FMNL3: variants seen among roughly 807,000 people sequenced by gnomAD.
FMNL3 encodes the protein formin-like protein 3.
A neutral mutation model predicts 119.6 loss-of-function variants in FMNL3; 57 were observed. That is an observed-to-expected ratio of 0.48 (90% CI 0.39 to 0.59). The LOEUF is 0.59. FMNL3 is among the 20% of genes least tolerant of loss of function. FMNL3 has a pLI of 0.00. For missense variants in FMNL3, 1,053 were observed against 1,323.5 expected (o/e 0.80, Z 3.17); for synonymous variants, 491 against 507.3 (o/e 0.97, Z 0.43).
chr12:49,686,447 G>A (rs143132737), intron 1 of FMNL3, among the ~76,000 whole-genome samples: 12 of 151,752 alleles, frequency 7.9e-5, no homozygotes, highest in African/African-American at 1.7e-4. Flanking sequence ...GCGTGGTGGC[G>A]GGCGCCTGTA....
intron 1 of FMNL3, among the ~76,000 whole-genome samples, chr12:49,693,765 C>T (rs535743490): frequency 1.4e-5 from 2 of 147,244 alleles, no homozygotes; most frequent in East Asian, 4.2e-4. Flanking sequence ...TCTCCTGCAT[C>T]GGCCTCCTGA....
chr12:49,636,981 C>A lies in FMNL3; in HGVS notation c.*8834G>T. ...CTAGCCCTGTCCAAGCTCTATGAGA[C>A]CTCTCTCTGCCTGCAGTCTGTTTCT... On this transcript the variant is annotated 3_prime_UTR_variant, in exon 26 of 26. Coordinates refer to ENST00000335154, the MANE Select transcript of FMNL3 (RefSeq NM_175736.5). 7.7e-7 allele frequency: 1 copy of A among 1,291,486 alleles called. No homozygotes were observed. The highest frequency in any genetic ancestry group is 1.1e-6 in the Non-Finnish European group (1 of 936,346). The allele number at this position is 1,291,486 out of a possible 1,614,324, so 80.0% of individuals were successfully genotyped here.
At chr12:49,705,846 C>T (rs1222600437) in intron 1 of FMNL3, among the ~76,000 whole-genome samples, 7 of 152,208 alleles carry the variant, frequency 4.6e-5, no homozygotes, top group Non-Finnish European at 8.8e-5. Flanking sequence ...TGCCAGTGGG[C>T]TGATGTCAGA....
At position 49,645,684 on chromosome 12, in the gene FMNL3, G is replaced by T; in HGVS notation, c.*131C>A. ...ATAGTGGCACAAGTAGAAAGATCCA[G>T]CCTCAAGAGCTGGGGCGGACATGGT... On this transcript the variant is annotated 3_prime_UTR_variant, in exon 26 of 26. Coordinates refer to ENST00000335154, the MANE Select transcript of FMNL3 (RefSeq NM_175736.5). 1.4e-6 allele frequency: 1 copy of T among 723,750 alleles called. No individual in the cohort carries two copies. The highest frequency in any genetic ancestry group is 2.2e-6 in the Non-Finnish European group (1 of 455,942). 44.8% of individuals were successfully genotyped at this position (723,750 alleles called of 1,614,324 possible). A position where few individuals can be genotyped will look rare whatever the true frequency, so the allele number is the denominator to read the frequency against.
intron 4 of FMNL3, among the ~76,000 whole-genome samples, chr12:49,664,904 C>T (rs7965178): frequency 2.0e-5 from 3 of 152,204 alleles, no homozygotes; most frequent in South Asian, 4.1e-4. Flanking sequence ...TCTCTAACCC[C>T]CTGTCAGGAA....
In FMNL3 at chr12:49,642,909, T is replaced by C; in HGVS notation, c.*2906A>G. ...GCTAAGTCTGGTGCTGTCCTCACCC[T>C]TCTTCCTCTGCCTCTAGCAGACTGA... On this transcript the variant is annotated 3_prime_UTR_variant, in exon 26 of 26. Coordinates refer to ENST00000335154, the MANE Select transcript of FMNL3 (RefSeq NM_175736.5). The surrounding 1 kb of genome is among the most constrained non-coding windows in gnomAD (Gnocchi z 5.8). 6.2e-7 allele frequency: 1 copy of C among 1,607,426 alleles called. No individual in the cohort carries two copies. The highest frequency in any genetic ancestry group is 8.5e-7 in the Non-Finnish European group (1 of 1,176,406).
chr12:49,656,992 T>C, intron 7 of FMNL3, 90 bp downstream of exon 7: 1 of 1,544,236 alleles, frequency 6.5e-7, no homozygotes, highest in Non-Finnish European at 8.9e-7. Flanking sequence ...AGCAAACCTG[T>C]CTTTTATAAG....
At position 49,638,777 on chromosome 12, in the gene FMNL3, G is replaced by A. The variant is rs1004086370; in HGVS notation, c.*7038C>T. On this transcript the variant is annotated 3_prime_UTR_variant, in exon 26 of 26. Transcript: ENST00000335154. ...CTTGGATAGGTCACTTGACCTTTCTGACCCTGTTTCCTCATCTAAAAAATG... is the reference window on the plus strand; with the variant it reads ...CTTGGATAGGTCACTTGACCTTTCTAACCCTGTTTCCTCATCTAAAAAATG... 1.3e-5 allele frequency: 2 copies of A among 152,130 alleles called. No homozygotes were observed. The highest frequency in any genetic ancestry group is 4.8e-5 in the African/African-American group (2 of 41,412). The allele number at this position is 152,130 out of a possible 1,614,324, so 9.4% of individuals were successfully genotyped here.
intron 1 of FMNL3, among the ~76,000 whole-genome samples, chr12:49,683,252 C>T (rs1164277476): frequency 6.6e-6 from 1 of 152,208 alleles, no homozygotes; most frequent in South Asian, 2.1e-4. Context: ...CTATCCCAGA[C>T]TTCTCCTTTG....
At position 49,646,893 on chromosome 12, in the gene FMNL3, G is replaced by GA. The variant is rs1459115088; in HGVS notation, c.2987dup (p.Ile997HisfsTer75). 15 of 1,613,964 alleles carry GA rather than the reference G, an allele frequency of 9.3e-6. No individual in the cohort carries two copies. The highest frequency in any genetic ancestry group is 1.3e-5 in the Non-Finnish European group (15 of 1,179,932). ...GAGTGAAAAGGGCCCCACCTGTGAT[G>GA]ATGTCCTCGATGGTACCATCCTTCC... On this transcript the variant is annotated frameshift_variant, in exon 25 of 26. Coordinates refer to ENST00000335154, the MANE Select transcript of FMNL3 (RefSeq NM_175736.5). LOFTEE classifies it high-confidence loss of function.
Position 49,648,212 on chromosome 12 carries a change from C to G in FMNL3, c.2657G>C (p.Arg886Pro). ...TNEGKLDKLQ[R>P]DAKTAEEAYN... is the part of the protein sequence containing the mutation. ...GCTTGCCTCAGCCGTCTTGGCGTCC[C>G]GCTGGAGCTTGTCTAGTTTGCCTTC... Residue 886 changes from arginine to proline, a missense_variant, in exon 22 of 26, where the codon CGG (arginine) becomes CCG (proline). By Grantham distance (103) the Arg-to-Pro change is moderately radical. Transcript: ENST00000335154. The G allele has an allele frequency of 6.2e-7, 1 of 1,613,562 alleles. No homozygotes were observed. The highest frequency in any genetic ancestry group is 8.5e-7 in the Non-Finnish European group (1 of 1,179,724).
chr12:49,652,003 G>A lies in FMNL3; in HGVS notation c.1533C>T (p.Pro511=), dbSNP rs773193041. Residue 511 remains proline, a synonymous_variant, in exon 14 of 26, where the codon CCC becomes CCT. Coordinates refer to ENST00000335154, the MANE Select transcript of FMNL3 (RefSeq NM_175736.5). The part of the protein sequence containing the change: ...SDLDLLAPAP[P]PEEVLPLPPP... ...GAGGAAGAGGCAGGACCTCCTCAGG[G>A]GGTGGGGCTGGAGCCAGAAGGTCCA... is the stretch of plus-strand genomic sequence containing the variant. 32 of 1,606,390 alleles carry A rather than the reference G, an allele frequency of 2.0e-5. No homozygotes were observed. The highest frequency in any genetic ancestry group is 1.2e-4 in the Admixed American group (7 of 58,954).
At chr12:49,664,235 T>TATAA (rs1442631332) in intron 4 of FMNL3, among the ~76,000 whole-genome samples, 6 of 151,984 alleles carry the variant, frequency 3.9e-5, no homozygotes, top group African/African-American at 1.2e-4. Flanking sequence ...CATCTCAAAA[T>TATAA]ATAAATAAAT....
In FMNL3 at chr12:49,636,889, C is replaced by T; in HGVS notation, c.*8926G>A. On this transcript the variant is annotated 3_prime_UTR_variant, in exon 26 of 26. Coordinates refer to ENST00000335154, the MANE Select transcript of FMNL3 (RefSeq NM_175736.5). ...CTTTCTAGATCAGAGCTCAGCTCTGCCCTAGAGCACAACCTCTTCACCCAT... is the reference window on the plus strand; with the variant it reads ...CTTTCTAGATCAGAGCTCAGCTCTGTCCTAGAGCACAACCTCTTCACCCAT... The T allele has an allele frequency of 6.2e-7, 1 of 1,611,482 alleles. No individual in the cohort carries two copies. Among genetic ancestry groups the T allele is most frequent in the Non-Finnish European group, 8.5e-7 (1 of 1,179,476 alleles).
intron 16 of FMNL3, 101 bp downstream of exon 16, chr12:49,651,067 C>T: frequency 6.4e-7 from 1 of 1,550,866 alleles, no homozygotes; most frequent in Non-Finnish European, 8.8e-7. Flanking sequence ...CTAAGCCTGG[C>T]CTCACCCTGT....
chr12:49,691,128 G>C (rs1944589633), intron 1 of FMNL3, among the ~76,000 whole-genome samples: 1 of 152,202 alleles, frequency 6.6e-6, no homozygotes, highest in South Asian at 2.1e-4. Context: ...TGTGATCCTA[G>C]GTGAGCTATT....
intron 25 of FMNL3, chr12:49,646,495 G>T: frequency 1.5e-6 from 1 of 646,146 alleles, no homozygotes; most frequent in South Asian, 2.0e-5. Context: ...TCAGAGCATG[G>T]GGCATGCAAG....
In FMNL3 at chr12:49,647,802, C is replaced by T; in HGVS notation, c.2679G>A (p.Glu893=). The T allele has an allele frequency of 6.2e-7, 1 of 1,613,616 alleles. No individual in the cohort carries two copies. Among genetic ancestry groups the T allele is most frequent in the Non-Finnish European group, 8.5e-7 (1 of 1,179,554 alleles). Residue 893 remains glutamate (E), a splice_region_variant and synonymous_variant, in exon 23 of 26, where the codon GAG becomes GAA. Coordinates refer to ENST00000335154, the MANE Select transcript of FMNL3 (RefSeq NM_175736.5). The surrounding 1 kb of genome is among the most constrained non-coding windows in gnomAD (Gnocchi z 4.9). ...AGTAGCGCACAACTGCATTGTAGGC[C>T]TCCTGGGGAAGGGGTGGGCAGAATG... ...KLQRDAKTAE[E]AYNAVVRYFG... is the part of the protein sequence containing the mutation.
At chr12:49,654,655 T>C (rs1482344001) in intron 10 of FMNL3, among the ~76,000 whole-genome samples, 1 of 151,512 alleles carries the variant, frequency 6.6e-6, no homozygotes, top group East Asian at 1.9e-4. Flanking sequence ...GGAGGGCAGC[T>C]CAAAAAGGAT....
Sources: allele counts gnomAD v4.1 joint callset (sites outside exome capture counted in the v4.1 genomes callset), GRCh38; gene constraint gnomAD v4.1.1; non-coding constraint Gnocchi (gnomAD v3.1); transcripts MANE v1.5; gene names NCBI Gene and HGNC (gene_info 2026-07-23, HGNC 2026-07-21).